The following GRB10 variants were observed in gnomAD, a reference collection of about 807,000 sequenced individuals.
The protein encoded by GRB10 is growth factor receptor bound protein 10.
In GRB10, 20 loss-of-function variants were observed where a neutral mutation model predicts 80.9. That is an observed-to-expected ratio of 0.25 (90% CI 0.17 to 0.36). GRB10 has a LOEUF of 0.36. Ranked by LOEUF, GRB10 falls within the 10% of genes least tolerant of loss-of-function variation. GRB10 has a pLI of 1.00. For missense variants in GRB10, 548 were observed against 747.7 expected, an observed-to-expected ratio of 0.73 and a Z score of 3.12; for synonymous variants, 291 against 291.5, an observed-to-expected ratio of 1.00 and a Z score of 0.02.
At chr7:50,629,546 T>A (rs2053610227) in intron 7 of GRB10, among the ~76,000 whole-genome samples, 1 of 152,060 alleles carries the variant, frequency 6.6e-6, no homozygotes, top group Non-Finnish European at 1.5e-5. Context: ...GTACTTCCAA[T>A]CTCACCAGGG....
chr7:50,743,708 C>A (rs1235451835), intron 3 of GRB10, among the ~76,000 whole-genome samples: 1 of 152,220 alleles, frequency 6.6e-6, no homozygotes, highest in African/African-American at 2.4e-5. Flanking sequence ...CTCAGGAGAA[C>A]CAGGAGAGGC....
At chr7:50,661,547 A>G (rs2059273967) in intron 7 of GRB10, among the ~76,000 whole-genome samples, 1 of 152,232 alleles carries the variant, frequency 6.6e-6, no homozygotes, top group African/African-American at 2.4e-5. Flanking sequence ...AGTTCCTAAT[A>G]GCATTACTAT....
At chr7:50,737,128 C>T (rs1178062910) in intron 3 of GRB10, among the ~76,000 whole-genome samples, 2 of 152,162 alleles carry the variant, frequency 1.3e-5, no homozygotes, top group African/African-American at 4.8e-5. Flanking sequence ...ACTTACAAAG[C>T]ATTTATCTGA....
intron 5 of GRB10, among the ~76,000 whole-genome samples, chr7:50,675,342 GC>G (rs2060815701): frequency 6.6e-6 from 1 of 152,250 alleles, no homozygotes; most frequent in African/African-American, 2.4e-5. Flanking sequence ...GAGAGAGAGA[GC>G]GGCGGAAAAC....
intron 1 of GRB10, among the ~76,000 whole-genome samples, chr7:50,789,449 G>A (rs148654161): frequency 2.8e-4 from 43 of 152,254 alleles, no homozygotes; most frequent in Middle Eastern, 3.4e-3. Flanking sequence ...CCATTTTAAC[G>A]GATCAAGTTG....
chr7:50,600,942 G>A (rs973490246), intron 17 of GRB10, among the ~76,000 whole-genome samples: 8 of 152,338 alleles, frequency 5.3e-5, no homozygotes, highest in South Asian at 2.1e-4. Context: ...ATGAAACAAT[G>A]CAGCACTGTG....
intron 4 of GRB10, among the ~76,000 whole-genome samples, chr7:50,712,520 C>T (rs1297001759): frequency 1.1e-5 from 1 of 94,260 alleles, no homozygotes; most frequent in East Asian, 4.0e-4. Flanking sequence ...TACAAAAAAA[C>T]TTTTCTCCCA....
chr7:50,667,768 A>G (rs1266165595), intron 7 of GRB10, among the ~76,000 whole-genome samples: 2 of 152,140 alleles, frequency 1.3e-5, no homozygotes, highest in African/African-American at 4.8e-5. Flanking sequence ...GACACGAGTG[A>G]CACAGACACC....
chr7:50,750,538 C>T (rs1428884212), intron 3 of GRB10, among the ~76,000 whole-genome samples: 1 of 152,114 alleles, frequency 6.6e-6, no homozygotes, highest in Non-Finnish European at 1.5e-5. Flanking sequence ...TTGAGCCTGC[C>T]GAGAGTCTCT....
At chr7:50,644,082 G>A (rs1437750412) in intron 7 of GRB10, among the ~76,000 whole-genome samples, 1 of 152,152 alleles carries the variant, frequency 6.6e-6, no homozygotes, top group Non-Finnish European at 1.5e-5. Flanking sequence ...TTGTTTCAGG[G>A]CTATCTTCAC....
intron 5 of GRB10, among the ~76,000 whole-genome samples, chr7:50,686,484 G>C (rs1306627259): frequency 6.6e-6 from 1 of 152,198 alleles, no homozygotes; most frequent in Admixed American, 6.5e-5. Flanking sequence ...AATTATTTTT[G>C]AGGTGCCTTC....
At chr7:50,772,560 T>A (rs892318650) in intron 2 of GRB10, among the ~76,000 whole-genome samples, 8 of 152,162 alleles carry the variant, frequency 5.3e-5, no homozygotes, top group Admixed American at 3.3e-4. Context: ...CTTAACACAG[T>A]ATTGGAAGCT....
intron 2 of GRB10, among the ~76,000 whole-genome samples, chr7:50,774,601 C>G (rs1298816712): frequency 6.6e-6 from 1 of 152,148 alleles, no homozygotes; most frequent in Non-Finnish European, 1.5e-5. Flanking sequence ...CTTATCACTT[C>G]CCAAAAGCCA....
At chr7:50,654,055 G>A (rs781079873) in intron 7 of GRB10, among the ~76,000 whole-genome samples, 3 of 152,170 alleles carry the variant, frequency 2.0e-5, no homozygotes, top group Non-Finnish European at 2.9e-5. Context: ...GGAATCCCCC[G>A]CCCTCGGATG....
At chr7:50,739,022 T>C (rs1241748493) in intron 3 of GRB10, among the ~76,000 whole-genome samples, 1 of 152,184 alleles carries the variant, frequency 6.6e-6, no homozygotes, top group East Asian at 1.9e-4. Context: ...ATGATAAAGC[T>C]TAAACTTCTT....
At chr7:50,775,378 C>T (rs1259237532) in intron 2 of GRB10, among the ~76,000 whole-genome samples, 1 of 152,176 alleles carries the variant, frequency 6.6e-6, no homozygotes, top group African/African-American at 2.4e-5. Flanking sequence ...TTCCCAAGGA[C>T]CTGGGCAGCC....
intron 4 of GRB10, chr7:50,725,973 A>G (rs2153688385): frequency 6.6e-6 from 1 of 152,328 alleles, no homozygotes; most frequent in African/African-American, 2.4e-5. Flanking sequence ...CTGATCCCTG[A>G]TCTATCCCAT....
chr7:50,774,754 A>C (rs938762505), intron 2 of GRB10, among the ~76,000 whole-genome samples: 1 of 152,112 alleles, frequency 6.6e-6, no homozygotes, highest in Non-Finnish European at 1.5e-5. Context: ...AATAGCCCCA[A>C]TGTCTTATCT....
chr7:50,775,469 A>G (rs974282890), intron 2 of GRB10, among the ~76,000 whole-genome samples: 3 of 152,100 alleles, frequency 2.0e-5, no homozygotes, highest in Non-Finnish European at 4.4e-5. Context: ...CCAGGCTGGC[A>G]CTACACACGG....
Sources: allele counts gnomAD v4.1 joint callset (sites outside exome capture counted in the v4.1 genomes callset), GRCh38; gene constraint gnomAD v4.1.1; transcripts MANE v1.5; gene names NCBI Gene and HGNC (gene_info 2026-07-23, HGNC 2026-07-21).